Variants in DMC1 observed in about 807,000 individuals in gnomAD.
DMC1 encodes the protein DNA meiotic recombinase 1, also known as meiotic recombination protein DMC1 homolog.
A neutral mutation model predicts 50.1 loss-of-function variants in DMC1; 27 were observed. The ratio of observed to expected loss-of-function variants is 0.54; its 90% CI spans 0.40 to 0.74. The LOEUF is 0.74. DMC1 is among the 30% of genes least tolerant of loss of function. DMC1 has a pLI of 0.00. For missense variants in DMC1, 295 were observed against 420.2 expected (o/e 0.70, Z 2.60); for synonymous variants, 148 against 136.1 (o/e 1.09, Z -0.61).
At chr22:38,542,190 CA>C (rs2090289014) in intron 8 of DMC1, among the ~76,000 whole-genome samples, 1 of 150,814 alleles carries the variant, frequency 6.6e-6, no homozygotes, top group Non-Finnish European at 1.5e-5. Context: ...ACATAATTCT[CA>C]AAGTCCTAGC....
At chr22:38,565,860 A>G (rs1269209748) in intron 4 of DMC1, among the ~76,000 whole-genome samples, 3 of 152,214 alleles carry the variant, frequency 2.0e-5, no homozygotes, top group East Asian at 1.9e-4. Context: ...GGCTATATCA[A>G]TTGGCTATAT....
Position 38,552,716 on chromosome 22 carries a change from T to C in DMC1, c.380-9A>G. Reference sequence around the variant, plus strand: ...TTTTCCAGTACGAAATTCTGTGAAATACAGAAAAAAATGATTTTAAAAATG... The same window carrying C: ...TTTTCCAGTACGAAATTCTGTGAAACACAGAAAAAAATGATTTTAAAAATG... On this transcript the variant is annotated splice_polypyrimidine_tract_variant and intron_variant, in intron 6 of 13. Transcript: ENST00000216024. 3.2e-6 allele frequency: 5 copies of C among 1,570,024 alleles called. No homozygotes were observed. Among genetic ancestry groups the C allele is most frequent in the Non-Finnish European group, 4.4e-6 (5 of 1,140,478 alleles).
intron 5 of DMC1, among the ~76,000 whole-genome samples, chr22:38,561,946 T>G (rs1164615387): frequency 6.6e-6 from 1 of 152,156 alleles, no homozygotes; most frequent in Non-Finnish European, 1.5e-5. Flanking sequence ...AATCTAACAA[T>G]TGCTTTTTGA....
intron 3 of DMC1, 118 bp downstream of exon 3, chr22:38,567,465 C>G: frequency 1.2e-6 from 1 of 858,016 alleles, no homozygotes; most frequent in Non-Finnish European, 2.0e-6. Flanking sequence ...TGCAAACACC[C>G]TACAATGCAC....
chr22:38,543,060 G>T (rs1941375419), intron 8 of DMC1, among the ~76,000 whole-genome samples: 1 of 151,996 alleles, frequency 6.6e-6, no homozygotes, highest in Non-Finnish European at 1.5e-5. Context: ...AAATAAAAAT[G>T]GATTAAAGAC....
chr22:38,568,842 A>C (rs2146047099), intron 1 of DMC1, among the ~76,000 whole-genome samples: 1 of 152,246 alleles, frequency 6.6e-6, no homozygotes, highest in South Asian at 2.1e-4. Context: ...GTTTCATAGA[A>C]CATTAGCTAT....
intron 12 of DMC1, among the ~76,000 whole-genome samples, chr22:38,532,097 A>G (rs913342691): frequency 1.3e-5 from 2 of 152,134 alleles, no homozygotes; most frequent in Non-Finnish European, 2.9e-5. Flanking sequence ...CCTCCCTCTG[A>G]GCCAATGAGT....
downstream of DMC1, among the ~76,000 whole-genome samples, chr22:38,514,099 T>C (rs1179011398): frequency 6.6e-6 from 1 of 152,234 alleles, no homozygotes; most frequent in East Asian, 1.9e-4. Context: ...CCTCTGGATT[T>C]TTCAGTTTCG....
At position 38,566,593 on chromosome 22, in the gene DMC1, T is replaced by G. The variant is rs779739803; in HGVS notation, c.240A>C (p.Leu80=). ...GCAAAGAATGGATTTTGCTTACAAT[T>G]AGTTTGTTCGCTGCCTCTTTAATCT... ...VDKIKEAANK[L]IEPGFLTAFE... is the part of the protein sequence containing the mutation. The change falls in exon 4 of 14, where the codon CTA becomes CTC. Residue 80 remains leucine (L), a synonymous_variant. Coordinates refer to ENST00000216024, the MANE Select transcript of DMC1 (RefSeq NM_007068.4). 1 of 1,614,160 alleles carries G rather than the reference T, an allele frequency of 6.2e-7. No homozygotes were observed. The highest frequency in any genetic ancestry group is 8.5e-7 in the Non-Finnish European group (1 of 1,180,006).
intron 6 of DMC1, 150 bp from the exon 7 acceptor site, chr22:38,552,857 ATT>A (rs550736981): frequency 1.4e-5 from 8 of 565,834 alleles, no homozygotes; most frequent in East Asian, 3.2e-5. Flanking sequence ...GTTATTTTTT[ATT>A]TTTTTTTTGA....
At chr22:38,562,163 C>A in intron 5 of DMC1, 124 bp downstream of exon 5, 3 of 666,998 alleles carry the variant, frequency 4.5e-6, no homozygotes, top group Non-Finnish European at 7.8e-6. Flanking sequence ...AAAAAACAAA[C>A]AAACCCAAAC....
chr22:38,569,565 C>A (rs960174746), intron 1 of DMC1, among the ~76,000 whole-genome samples: 1 of 152,176 alleles, frequency 6.6e-6, no homozygotes, highest in Non-Finnish European at 1.5e-5. Flanking sequence ...CTGTCCCCAT[C>A]GAAGAGAAAA....
At chr22:38,565,801 G>A (rs2090575509) in intron 4 of DMC1, among the ~76,000 whole-genome samples, 1 of 152,216 alleles carries the variant, frequency 6.6e-6, no homozygotes, top group Admixed American at 6.5e-5. Context: ...CACATATGTA[G>A]ACCCAACCAC....
downstream of DMC1, among the ~76,000 whole-genome samples, chr22:38,517,203 T>A (rs1232325824): frequency 1.3e-5 from 2 of 152,240 alleles, no homozygotes; most frequent in Non-Finnish European, 2.9e-5. Context: ...TCTTGGCTAG[T>A]GCCTTTGCTA....
At chr22:38,511,039 C>T in the DMC1 span, among the ~76,000 whole-genome samples, 1 of 152,102 alleles carries the variant, frequency 6.6e-6, no homozygotes, top group South Asian at 2.1e-4. Context: ...GAGGCTGAGG[C>T]GGGAGGGTCG....
chr22:38,547,293 G>T (rs2090353551), intron 8 of DMC1, among the ~76,000 whole-genome samples: 1 of 151,978 alleles, frequency 6.6e-6, no homozygotes, highest in African/African-American at 2.4e-5. Context: ...CAAAGTGCTG[G>T]GATCACTGGA....
chr22:38,522,056 A>G (rs1222340113), intron 12 of DMC1, among the ~76,000 whole-genome samples: 1 of 151,680 alleles, frequency 6.6e-6, no homozygotes, highest in East Asian at 2.0e-4. Flanking sequence ...GGTTCAAGCG[A>G]TTCTCCTGTC....
rs1377607695 is a variant in DMC1 at position 38,535,065 on chromosome 22, C to T, written c.836+2527G>A. ...CTGTAATCCCAGCACTTTGGGAGGC[C>T]GGGGCAGGTGGATCGTGAGGTCAAG... On this transcript the variant is annotated intron_variant, in intron 12 of 13. Transcript: ENST00000216024. Among the ~76,000 whole-genome samples, 5 of 151,648 alleles carry T rather than the reference C, an allele frequency of 3.3e-5. 1 individual carries two copies. The highest frequency in any genetic ancestry group is 7.4e-5 in the Non-Finnish European group (5 of 67,926).
chr22:38,549,702 C>T (rs1301441084), intron 8 of DMC1: 2 of 488,488 alleles, frequency 4.1e-6, no homozygotes, highest in African/African-American at 3.9e-5. Flanking sequence ...ATATAATTTC[C>T]TCTCATGTAT....
Sources: allele counts gnomAD v4.1 joint callset (sites outside exome capture counted in the v4.1 genomes callset), GRCh38; gene constraint gnomAD v4.1.1; transcripts MANE v1.5; gene names NCBI Gene and HGNC (gene_info 2026-07-23, HGNC 2026-07-21).